Variants in EVX1 observed in about 807,000 individuals in gnomAD.
EVX1 encodes the protein even-skipped homeobox 1, also known as homeobox even-skipped homolog protein 1.
EVX1 carries 19 observed loss-of-function variants against 28.6 expected under a neutral mutation model. That is an observed-to-expected ratio of 0.67 (90% CI 0.46 to 0.98). The LOEUF (loss-of-function observed/expected upper bound fraction) is 0.98, where lower values mean the gene tolerates loss of function less well. Ranked by LOEUF, EVX1 falls within the 50% of genes least tolerant of loss-of-function variation. The pLI is 0.00. For synonymous variants in EVX1, 324 were observed against 278.2 expected (o/e 1.16, Z -1.64); for missense variants, 660 against 583.0 (o/e 1.13, Z -1.36).
chr7:27,245,748 G>C (rs373166393), intron 2 of EVX1, 138 bp from the exon 3 acceptor site: 2 of 1,161,894 alleles, frequency 1.7e-6, no homozygotes, highest in Non-Finnish European at 2.4e-6. Context: ...GGTGGTGGTG[G>C]GGTCGGTCTC....
rs993706585 is a variant in EVX1 at position 27,243,327 on chromosome 7, C to T, written c.297C>T (p.Pro99=). The change falls in exon 1 of 3, where the codon CCC becomes CCT. Residue 99 remains proline (P), a synonymous_variant. Transcript: ENST00000496902. Reference sequence around the variant, plus strand: ...TGCTCGGCCCAGGACCCCCGGCCCCCTCAGTCGACAGCCTCTCCGGACAGG... The same window carrying T: ...TGCTCGGCCCAGGACCCCCGGCCCCTTCAGTCGACAGCCTCTCCGGACAGG... The part of the protein sequence containing the change: ...AAMLGPGPPA[P]SVDSLSGQGQ... The T allele has an allele frequency of 1.3e-6, 2 of 1,593,274 alleles. No individual in the cohort carries two copies. Among genetic ancestry groups the T allele is most frequent in the East Asian group, 2.3e-5 (1 of 43,118 alleles).
chr7:27,244,979 ACAG>A, intron 1 of EVX1, 66 bp from the exon 2 acceptor site: 1 of 1,555,390 alleles, frequency 6.4e-7, no homozygotes, highest in Non-Finnish European at 8.7e-7. Flanking sequence ...CCTTAGGCCT[ACAG>A]CCCCACTTCA....
chr7:27,246,341 C>A lies in EVX1; in HGVS notation c.1140C>A (p.Ser380=). The A allele has an allele frequency of 6.2e-7, 1 of 1,601,546 alleles. No individual in the cohort carries two copies. The highest frequency in any genetic ancestry group is 1.1e-5 in the South Asian group (1 of 90,272). ...GTGCCTCCACCTCCCGCTCGGACTC[C>A]TTCCTCACCTTCGCGCCCTCGGTGC... The part of the protein sequence containing the change: ...FTCASTSRSD[S]FLTFAPSVLS... The change falls in exon 3 of 3, where the codon TCC becomes TCA. Residue 380 remains serine, a synonymous_variant. Coordinates refer to ENST00000496902, the MANE Select transcript of EVX1 (RefSeq NM_001989.5).
intron 2 of EVX1, 26 bp from the exon 3 acceptor site, chr7:27,245,860 T>C (rs1478977006): frequency 1.2e-6 from 2 of 1,602,422 alleles, no homozygotes; most frequent in South Asian, 1.1e-5. Flanking sequence ...GTCCAGCTAC[T>C]GAACCTGCTC....
chr7:27,244,002 G>C (rs1783099546), intron 1 of EVX1: 1 of 152,592 alleles, frequency 6.6e-6, no homozygotes, highest in Non-Finnish European at 1.5e-5. Context: ...GTCGGAAATG[G>C]TCCCAATGGT....
chr7:27,245,158 A>G lies in EVX1; in HGVS notation c.538A>G (p.Ser180Gly). The change falls in exon 2 of 3, where the codon AGT (serine) becomes GGT (glycine). Residue 180 changes from serine (S) to glycine (G), a missense_variant. By Grantham distance (56) the Ser-to-Gly change is moderately conservative. This residue lies in a region of EVX1 where 308 missense variants were observed against 256.6 expected (regional missense o/e 1.20). Transcript: ENST00000496902. ...GCAAGGCACCCTGGCGTGCAGCGCC[A>G]GTGACCAGATGCGTCGTTACCGCAC... ...GSQGTLACSA[S>G]DQMRRYRTAF... 6.2e-7 allele frequency: 1 copy of G among 1,613,340 alleles called. No individual in the cohort carries two copies. Among genetic ancestry groups the G allele is most frequent in the Non-Finnish European group, 8.5e-7 (1 of 1,180,038 alleles).
chr7:27,246,415 T>G lies in EVX1; in HGVS notation c.1214T>G (p.Leu405Arg). ...VALDQREEVP[L>R]TR ...CTGGACCAGAGGGAGGAGGTGCCCC[T>G]CACTAGATAAGGGGCCGCCGGCTGG... The change falls in exon 3 of 3, where the codon CTC becomes CGC. Residue 405 changes from leucine to arginine, a missense_variant. Transcript: ENST00000496902. 1 of 1,597,232 alleles carries G rather than the reference T, an allele frequency of 6.3e-7. No homozygotes were observed. Among genetic ancestry groups the G allele is most frequent in the South Asian group, 1.1e-5 (1 of 89,916 alleles).
Position 27,243,274 on chromosome 7 carries a change from G to A in EVX1, c.244G>A (p.Ala82Thr). Residue 82 changes from alanine to threonine, a missense_variant, in exon 1 of 3, where the codon GCC (alanine) becomes ACC (threonine). Ala to Thr is a moderately conservative substitution (Grantham distance 58). Around this residue, in one of 3 missense-constraint regions of EVX1, gnomAD observed 308 missense variants for 256.6 expected, o/e 1.20. Coordinates refer to ENST00000496902, the MANE Select transcript of EVX1 (RefSeq NM_001989.5). ...GLAGSAAGPGAEPQVAGAAML... is the reference protein window; with the variant it reads ...GLAGSAAGPGTEPQVAGAAML... ...CGCAGGCAGCGCGGCGGGGCCGGGC[G>A]CCGAGCCCCAGGTAGCTGGGGCGGC... The A allele has an allele frequency of 1.3e-6, 2 of 1,544,318 alleles. No individual in the cohort carries two copies. The highest frequency in any genetic ancestry group is 1.7e-6 in the Non-Finnish European group (2 of 1,145,468).
rs1002920580 is a variant in EVX1 at position 27,246,580 on chromosome 7, A to C, written c.*155A>C. 6 of 791,622 alleles carry C rather than the reference A, an allele frequency of 7.6e-6. No individual in the cohort carries two copies. Among genetic ancestry groups the C allele is most frequent in the African/African-American group, 1.8e-5 (1 of 54,538 alleles). 49.0% of individuals were successfully genotyped at this position (791,622 alleles called of 1,614,324 possible). A position where few individuals can be genotyped will look rare whatever the true frequency, so the allele number is the denominator to read the frequency against. ...AAAAGGACCAGCGGGATCCGGCCGC[A>C]AGAATTGGAAAGCCTAGGAAGTGGC... On this transcript the variant is annotated 3_prime_UTR_variant, in exon 3 of 3. Coordinates refer to ENST00000496902, the MANE Select transcript of EVX1 (RefSeq NM_001989.5).
At position 27,245,871 on chromosome 7, in the gene EVX1, C is replaced by T. The variant is rs751781225; in HGVS notation, c.685-15C>T. The T allele has an allele frequency of 3.1e-6, 5 of 1,607,670 alleles. No homozygotes were observed. The highest frequency in any genetic ancestry group is 3.4e-5 in the Admixed American group (2 of 59,542). On this transcript the variant is annotated splice_polypyrimidine_tract_variant and intron_variant, in intron 2 of 2. Coordinates refer to ENST00000496902, the MANE Select transcript of EVX1 (RefSeq NM_001989.5). ...CCAAGTCCAGCTACTGAACCTGCTC[C>T]GCTCCTCTCCCCAGGTGTGGTTCCA...
rs755598385 is a variant in EVX1, at chr7:27,245,232, G to A, written c.612G>A (p.Arg204=). The A allele has an allele frequency of 6.2e-6, 10 of 1,613,618 alleles. 1 individual carries two copies. The South Asian group carries it at 1.1e-4, about 18-fold the overall frequency. Residue 204 remains arginine, a synonymous_variant, in exon 2 of 3, where the codon CGG becomes CGA. Transcript: ENST00000496902. ...QIARLEKEFY[R]ENYVSRPRRC... ...CGCGGCTGGAGAAGGAATTCTACCG[G>A]GAGAACTACGTATCCAGGCCGCGGA...
chr7:27,246,276 G>C lies in EVX1; in HGVS notation c.1075G>C (p.Gly359Arg). Residue 359 changes from glycine (G) to arginine (R), a missense_variant, in exon 3 of 3, where the codon GGG becomes CGG. Coordinates refer to ENST00000496902, the MANE Select transcript of EVX1 (RefSeq NM_001989.5). ...CLACHSGPANGLAPRAAAASD... is the reference protein window; with the variant it reads ...CLACHSGPANRLAPRAAAASD... The stretch of plus-strand genomic sequence containing the variant: ...CGCCTGTCACAGCGGCCCGGCCAAC[G>C]GGCTGGCGCCCCGGGCTGCCGCCGC... 2 of 1,572,728 alleles carry C rather than the reference G, an allele frequency of 1.3e-6. No individual in the cohort carries two copies. The highest frequency in any genetic ancestry group is 1.7e-6 in the Non-Finnish European group (2 of 1,167,156).
In EVX1 at chr7:27,246,422, A is replaced by T. The variant is rs1562536965; in HGVS notation, c.1221A>T (p.Arg407Ser). Residue 407 changes from arginine (R) to serine (S), a missense_variant, in exon 3 of 3, where the codon AGA becomes AGT. Coordinates refer to ENST00000496902, the MANE Select transcript of EVX1 (RefSeq NM_001989.5). Reference protein sequence around the residue: ...LDQREEVPLTR With the variant: ...LDQREEVPLTS ...AGAGGGAGGAGGTGCCCCTCACTAGATAAGGGGCCGCCGGCTGGCTGCCGG... is the reference window on the plus strand; with the variant it reads ...AGAGGGAGGAGGTGCCCCTCACTAGTTAAGGGGCCGCCGGCTGGCTGCCGG... 1 of 1,593,500 alleles carries T rather than the reference A, an allele frequency of 6.3e-7. No individual in the cohort carries two copies. The highest frequency in any genetic ancestry group is 8.5e-7 in the Non-Finnish European group (1 of 1,175,730).
Position 27,245,159 on chromosome 7 carries a change from G to C in EVX1, c.539G>C (p.Ser180Thr), listed in dbSNP as rs200532550. 4.3e-5 allele frequency: 70 copies of C among 1,613,396 alleles called. No individual in the cohort carries two copies. Among genetic ancestry groups the C allele is most frequent in the Non-Finnish European group, 5.6e-5 (66 of 1,180,054 alleles). Reference sequence around the variant, plus strand: ...CAAGGCACCCTGGCGTGCAGCGCCAGTGACCAGATGCGTCGTTACCGCACC... The same window carrying C: ...CAAGGCACCCTGGCGTGCAGCGCCACTGACCAGATGCGTCGTTACCGCACC... Reference protein sequence around the residue: ...GSQGTLACSASDQMRRYRTAF... With the variant: ...GSQGTLACSATDQMRRYRTAF... Residue 180 changes from serine (S) to threonine (T), a missense_variant, in exon 2 of 3, where the codon AGT (serine) becomes ACT (threonine). Physicochemically the swap from Ser to Thr is moderately conservative, Grantham distance 58. Transcript: ENST00000496902.
At position 27,245,174 on chromosome 7, in the gene EVX1, G is replaced by A; in HGVS notation, c.554G>A (p.Arg185His). 2 of 1,613,540 alleles carry A rather than the reference G, an allele frequency of 1.2e-6. No individual in the cohort carries two copies. Among genetic ancestry groups the A allele is most frequent in the Non-Finnish European group, 1.7e-6 (2 of 1,180,050 alleles). Residue 185 changes from arginine (R) to histidine (H), a missense_variant, in exon 2 of 3, where the codon CGT becomes CAT. Arg to His is a conservative substitution (Grantham distance 29). This residue lies in a region of EVX1 where 53 missense variants were observed against 85.1 expected (regional missense o/e 0.62). Transcript: ENST00000496902. ...LACSASDQMR[R>H]YRTAFTREQI... ...TGCAGCGCCAGTGACCAGATGCGTC[G>A]TTACCGCACCGCCTTCACCCGAGAG... is the stretch of plus-strand genomic sequence containing the variant.
At chr7:27,244,369 G>GT (rs1368959530) in intron 1 of EVX1, 2 of 344,818 alleles carry the variant, frequency 5.8e-6, no homozygotes, top group African/African-American at 4.5e-5. Flanking sequence ...AAGAGCCTGG[G>GT]GGCGGGGGGG....
At chr7:27,244,121 A>T (rs1235061580) in intron 1 of EVX1, among the ~76,000 whole-genome samples, 1 of 152,216 alleles carries the variant, frequency 6.6e-6, no homozygotes, top group Non-Finnish European at 1.5e-5. Context: ...AAGGAGCTGC[A>T]GGGGGCTGGA....
In EVX1 at chr7:27,245,544, G is replaced by A. The variant is rs6974967; in HGVS notation, c.684+240G>A. Among the ~76,000 whole-genome samples, 1,511 of 152,306 alleles carry A rather than the reference G, an allele frequency of 9.9e-3. 22 individuals are homozygous for A. The highest frequency in any genetic ancestry group is 0.034 in the African/African-American group (1,416 of 41,562). On this transcript the variant is annotated intron_variant, in intron 2 of 2. Transcript: ENST00000496902. ...TGGGGGAAGGGGATAGAGTGCCTGT[G>A]CGGGTGACAAGGAAGTTTCTGGGGA... is the stretch of plus-strand genomic sequence containing the variant.
rs1398366276 is a variant in EVX1 at position 27,246,118 on chromosome 7, C to A, written c.917C>A (p.Pro306Gln). 6.5e-7 allele frequency: 1 copy of A among 1,541,264 alleles called. No individual in the cohort carries two copies. The highest frequency in any genetic ancestry group is 8.7e-7 in the Non-Finnish European group (1 of 1,153,492). Residue 306 changes from proline to glutamine, a missense_variant, in exon 3 of 3, where the codon CCG becomes CAG. Coordinates refer to ENST00000496902, the MANE Select transcript of EVX1 (RefSeq NM_001989.5). ...AASPFSGSLRPLDTFRVLSQP... is the reference protein window; with the variant it reads ...AASPFSGSLRQLDTFRVLSQP... ...TCGCCCTTCAGCGGCTCGCTGCGCC[C>A]GCTCGACACGTTCCGCGTGCTGTCG...
Sources: gnomAD v4.1 joint callset for allele counts (sites outside exome capture counted in the v4.1 genomes callset) on GRCh38, gnomAD v4.1.1 for gene constraint, gnomAD v4.1.1 regional missense constraint, MANE v1.5 for transcripts, NCBI Gene and HGNC (gene_info 2026-07-23, HGNC 2026-07-21) for gene names.